The following NCOR2 variants were observed in gnomAD, a reference collection of about 807,000 sequenced individuals.
The protein encoded by NCOR2 is CTG repeat protein 26.
Under a neutral mutation model 262.9 loss-of-function variants are expected in NCOR2, and 81 were observed. The observed-to-expected ratio is 0.31, with a 90% CI of 0.26 to 0.37. NCOR2 has a LOEUF of 0.37. Ranked by LOEUF, NCOR2 falls within the 10% of genes least tolerant of loss-of-function variation. The pLI is 1.00. For missense variants in NCOR2, 3,385 were observed against 3,621.4 expected (o/e 0.93, Z 1.68); for synonymous variants, 1,659 against 1,559.3 (o/e 1.06, Z -1.51).
At chr12:124,329,103 C>T (rs2034952262) in intron 44 of NCOR2, 1 of 470,320 alleles carries the variant, frequency 2.1e-6, no homozygotes, top group African/African-American at 2.0e-5. Context: ...TGAAGTCTGA[C>T]ACAGGTTGAG....
intron 28 of NCOR2, chr12:124,348,605 G>A: frequency 2.1e-6 from 1 of 473,376 alleles, no homozygotes; most frequent in Non-Finnish European, 3.7e-6. Flanking sequence ...AAGCAAGGGT[G>A]TGCCTGTGAC....
At chr12:124,329,165 A>G (rs2034958982) in intron 44 of NCOR2, 1 of 469,642 alleles carries the variant, frequency 2.1e-6, no homozygotes, top group South Asian at 1.5e-5. Flanking sequence ...AAACTGCATA[A>G]AAAGAAAAAA....
rs1293927962 is a variant in NCOR2 at position 124,378,879 on chromosome 12, C to CA, written c.2020-496dup. ...CTACTGTGTGCCCAGCTCTGCATAC[C>CA]AGGGCTGTGGGGACACAAGGCACGG... On this transcript the variant is annotated intron_variant, in intron 17 of 46. Coordinates refer to ENST00000405201, the Ensembl canonical transcript of NCOR2. The surrounding 1 kb of genome is among the most constrained non-coding windows in gnomAD (Gnocchi z 4.2). Among the ~76,000 whole-genome samples, 1 of 152,216 alleles carries CA rather than the reference C, an allele frequency of 6.6e-6. No homozygotes were observed. The highest frequency in any genetic ancestry group is 6.5e-5 in the Admixed American group (1 of 15,286).
rs1262487718 is a variant in NCOR2, at chr12:124,523,067, T to C, written c.-118+12498A>G. Among the ~76,000 whole-genome samples, 4 of 152,090 alleles carry C rather than the reference T, an allele frequency of 2.6e-5. No individual in the cohort carries two copies. Among genetic ancestry groups the C allele is most frequent in the Admixed American group, 6.5e-5 (1 of 15,272 alleles). On this transcript the variant is annotated intron_variant, in intron 1 of 46. Transcript: ENST00000404621. This position sits in a 1 kb window ranked among gnomAD's most constrained non-coding sequence, Gnocchi z 4.0. Reference sequence around the variant, plus strand: ...GACCAAAATGCATCCTATTTCCCCATCCAGGCCCGGGATTCTTCTCCACAA... The same window carrying C: ...GACCAAAATGCATCCTATTTCCCCACCCAGGCCCGGGATTCTTCTCCACAA...
At chr12:124,342,251 G>A (rs1330252054) in intron 33 of NCOR2, among the ~76,000 whole-genome samples, 177 bp from the exon 36 acceptor site, 1 of 152,216 alleles carries the variant, frequency 6.6e-6, no homozygotes, top group African/African-American at 2.4e-5. Context: ...ATCACGCCAG[G>A]ACACAAGAGG....
chr12:124,372,291 G>A (rs532518067), exon 20 of NCOR2: 42 of 1,543,262 alleles, frequency 2.7e-5, no homozygotes, highest in East Asian at 1.6e-4. Flanking sequence ...CCTCAGCCGC[G>A]GGGGGCTTCT....
chr12:124,484,673 T>C (rs138479742), intron 2 of NCOR2, among the ~76,000 whole-genome samples: 2 of 152,184 alleles, frequency 1.3e-5, no homozygotes. Context: ...AGGCCCTCCA[T>C]GTGAGCTCCT....
intron 41 of NCOR2, among the ~76,000 whole-genome samples, chr12:124,333,897 C>CGCGCATGTGTGTGTGTGT: frequency 8.1e-6 from 1 of 123,618 alleles, no homozygotes; most frequent in Non-Finnish European, 1.9e-5. Context: ...TGTGTGTGTG[C>CGCGCATGTGTGTGTGTGT]GCGCGCATGT....
upstream of NCOR2, among the ~76,000 whole-genome samples, chr12:124,537,620 C>A (rs1253378471): frequency 6.6e-6 from 1 of 151,524 alleles, no homozygotes; most frequent in Non-Finnish European, 1.5e-5. Context: ...GCCCTCAGTG[C>A]CAGTGTGTGC....
At chr12:124,435,703 C>T (rs781563321) in intron 8 of NCOR2, among the ~76,000 whole-genome samples, 9 of 152,228 alleles carry the variant, frequency 5.9e-5, no homozygotes, top group Non-Finnish European at 1.2e-4. Flanking sequence ...GGTCCCCCTC[C>T]CCAGGCACTG....
chr12:124,337,162 T>C (rs745767244), exon 38 of NCOR2: 71 of 1,532,902 alleles, frequency 4.6e-5, no homozygotes, highest in Non-Finnish European at 6.1e-5. Flanking sequence ...GGCGAACGGG[T>C]GAGGAGGTGG....
chr12:124,330,851 C>T (rs761117621), exon 44 of NCOR2: 63 of 1,577,872 alleles, frequency 4.0e-5, no homozygotes, highest in Non-Finnish European at 5.4e-5. Flanking sequence ...TTACCTGTTC[C>T]GGTGATGGCG....
rs539763249 is a variant in NCOR2, at chr12:124,388,836, T to C, written c.1877-2949A>G. ...GGTTGGCGTCTGCTGGCGGCTCAGCTCAGCCTCACATCCTTCTCCGTCCCA... is the reference window on the plus strand; with the variant it reads ...GGTTGGCGTCTGCTGGCGGCTCAGCCCAGCCTCACATCCTTCTCCGTCCCA... On this transcript the variant is annotated intron_variant, in intron 16 of 46. Coordinates refer to ENST00000405201, the Ensembl canonical transcript of NCOR2. The C allele has an allele frequency of 3.9e-6, 5 of 1,274,332 alleles. No homozygotes were observed. The African/African-American group carries it at 7.8e-5, about 20-fold the overall frequency. The allele number at this position is 1,274,332 out of a possible 1,614,324, so 78.9% of individuals were successfully genotyped here.
At chr12:124,402,441 T>TCTCCTCCTCCTTCTCCGCCTC in exon 14 of NCOR2, 2 of 1,613,962 alleles carry the variant, frequency 1.2e-6, no homozygotes, top group Non-Finnish European at 8.5e-7. Context: ...ACCTCCGGCT[T>TCTCCTCCTCCTTCTCCGCCTC]CTCCTCCTCC....
At chr12:124,374,030 C>G (rs532912954) in intron 19 of NCOR2, among the ~76,000 whole-genome samples, 1 of 152,186 alleles carries the variant, frequency 6.6e-6, no homozygotes, top group Non-Finnish European at 1.5e-5. Context: ...AGAGCCCAGC[C>G]GCATTCCTGG....
intron 16 of NCOR2, among the ~76,000 whole-genome samples, chr12:124,390,505 G>C (rs2041226324): frequency 2.5e-5 from 3 of 120,428 alleles, no homozygotes; most frequent in Admixed American, 2.4e-4. Flanking sequence ...TGCCATCCCA[G>C]GGTTTGATCA....
chr12:124,495,011 G>A lies in NCOR2; in HGVS notation c.105+136C>T. 1.9e-6 allele frequency: 2 copies of A among 1,042,292 alleles called. No homozygotes were observed. Among genetic ancestry groups the A allele is most frequent in the Non-Finnish European group, 2.7e-6 (2 of 735,056 alleles). The allele number at this position is 1,042,292 out of a possible 1,614,324, so 64.6% of individuals were successfully genotyped here. On this transcript the variant is annotated intron_variant, in intron 1 of 46. Coordinates refer to ENST00000405201, the Ensembl canonical transcript of NCOR2. The surrounding 1 kb of genome is among the most constrained non-coding windows in gnomAD (Gnocchi z 4.4). Reference sequence around the variant, plus strand: ...GCTTCAGACACCAGGGGTCTCTGTGGCGGCCTCCCCTCTGCCCTGGGAGGC... The same window carrying A: ...GCTTCAGACACCAGGGGTCTCTGTGACGGCCTCCCCTCTGCCCTGGGAGGC...
intron 45 of NCOR2, among the ~76,000 whole-genome samples, chr12:124,326,939 A>G (rs570106246): frequency 7.2e-5 from 11 of 152,186 alleles, no homozygotes; most frequent in African/African-American, 2.6e-4. Context: ...GCTGAGACAG[A>G]CCCTGGGCTC....
rs2048924365 is a variant in NCOR2 at position 124,504,164 on chromosome 12, G to A, written c.-117-8796C>T. On this transcript the variant is annotated intron_variant, in intron 1 of 46. Coordinates refer to the NCOR2 transcript ENST00000404621. The surrounding 1 kb of genome is among the most constrained non-coding windows in gnomAD (Gnocchi z 4.5). ...CCTTGAGCTGGGTTCGAGGAGAAAG[G>A]CCGAGAGGACTCCAGCCTGGGAATC... Among the ~76,000 whole-genome samples, 1 of 152,214 alleles carries A rather than the reference G, an allele frequency of 6.6e-6. No homozygotes were observed. The highest frequency in any genetic ancestry group is 1.5e-5 in the Non-Finnish European group (1 of 68,038).
Sources: allele counts gnomAD v4.1 joint callset (sites outside exome capture counted in the v4.1 genomes callset), GRCh38; gene constraint gnomAD v4.1.1; non-coding constraint Gnocchi (gnomAD v3.1); transcripts MANE v1.5; gene names NCBI Gene and HGNC (gene_info 2026-07-23, HGNC 2026-07-21).